The following TRPM6 variants were observed in gnomAD, a reference collection of about 807,000 sequenced individuals.
TRPM6 encodes channel kinase 2.
Under a neutral mutation model 247.6 loss-of-function variants are expected in TRPM6, and 111 were observed. That is an observed-to-expected ratio of 0.45 (90% confidence interval 0.38 to 0.52). The LOEUF is 0.52. Among genes scored for constraint, TRPM6 ranks in the 20% least tolerant of loss-of-function variants. TRPM6 has a pLI of 0.00. For synonymous variants in TRPM6, 892 were observed against 853.8 expected (o/e 1.04, Z -0.78); for missense variants, 2,126 against 2,421.5 (o/e 0.88, Z 2.56).
intron 33 of TRPM6, among the ~76,000 whole-genome samples, chr9:74,740,870 T>C (rs1458963303): frequency 6.6e-6 from 1 of 152,144 alleles, no homozygotes; most frequent in Non-Finnish European, 1.5e-5. Flanking sequence ...TAAAAAAACT[T>C]ATTTTTTTCT....
chr9:74,786,270 TAA>T (rs1192692170), intron 20 of TRPM6, 145 bp from the exon 21 acceptor site: 1 of 807,036 alleles, frequency 1.2e-6, no homozygotes, highest in African/African-American at 1.7e-5. Flanking sequence ...TTCAGAGACT[TAA>T]GTTATCATCA....
At chr9:74,763,177 C>T (rs1826712131) in intron 25 of TRPM6, 43 bp from the exon 26 acceptor site, 4 of 1,588,878 alleles carry the variant, frequency 2.5e-6, no homozygotes, top group Admixed American at 1.7e-5. Context: ...CACATTAAGC[C>T]AGTGGGAATT....
chr9:74,795,859 T>A (rs1828079474), intron 18 of TRPM6, among the ~76,000 whole-genome samples: 1 of 152,222 alleles, frequency 6.6e-6, no homozygotes, highest in Admixed American at 6.5e-5. Flanking sequence ...ATGCAGTATT[T>A]GATGCTATAC....
chr9:74,829,612 T>C (rs2118078821), intron 6 of TRPM6, among the ~76,000 whole-genome samples: 1 of 152,308 alleles, frequency 6.6e-6, no homozygotes, highest in Middle Eastern at 3.4e-3. Context: ...AAATAATGGA[T>C]GCAAAAGGCA....
chr9:74,775,755 A>T, intron 24 of TRPM6, 128 bp downstream of exon 24: 1 of 941,914 alleles, frequency 1.1e-6, no homozygotes. Context: ...GCATCAGCTG[A>T]TATTCTATTG....
rs1177355491 is a variant in TRPM6 at position 74,788,597 on chromosome 9, T to C, written c.2667+17A>G. 6.2e-7 allele frequency: 1 copy of C among 1,613,560 alleles called. No homozygotes were observed. The highest frequency in any genetic ancestry group is 1.1e-5 in the South Asian group (1 of 91,052). ...TGAGGACATATGCAGAAGATAAAGG[T>C]AGATGGCATAACTCACCTCCCTGAC... is the stretch of plus-strand genomic sequence containing the variant. On this transcript the variant is annotated intron_variant, in intron 20 of 38. Coordinates refer to ENST00000360774, the MANE Select transcript of TRPM6 (RefSeq NM_017662.5).
chr9:74,858,896 T>C, intron 1 of TRPM6, 148 bp from the exon 2 acceptor site: 1 of 630,896 alleles, frequency 1.6e-6, no homozygotes. Flanking sequence ...CATTTACCAG[T>C]TTCTATTACA....
intron 6 of TRPM6, among the ~76,000 whole-genome samples, chr9:74,830,722 G>A (rs562891622): frequency 7.9e-4 from 116 of 146,674 alleles, no homozygotes; most frequent in African/African-American, 2.4e-3. Context: ...GACTATAGGC[G>A]TGCACCACCA....
Position 74,801,961 on chromosome 9 carries a change from G to A in TRPM6, c.1946C>T (p.Ala649Val). Residue 649 changes from alanine (A) to valine (V), a missense_variant, in exon 16 of 39, where the codon GCC becomes GTC. Physicochemically the swap from Ala to Val is moderately conservative, Grantham distance 64. Around this residue, in one of 3 missense-constraint regions of TRPM6, gnomAD observed 1,082 missense variants for 1,307.9 expected, o/e 0.83. Transcript: ENST00000360774. ...VIACILYRAM[A>V]HEAKESHMVD... is the part of the protein sequence containing the mutation. ...CATGTGACTCTCCTTAGCTTCATGGGCCATTGCCCGGTAGAGGATACACGC... is the reference window on the plus strand; with the variant it reads ...CATGTGACTCTCCTTAGCTTCATGGACCATTGCCCGGTAGAGGATACACGC... 2 of 1,614,208 alleles carry A rather than the reference G, an allele frequency of 1.2e-6. No individual in the cohort carries two copies. Among genetic ancestry groups the A allele is most frequent in the Non-Finnish European group, 1.7e-6 (2 of 1,180,040 alleles).
chr9:74,816,526 G>T, intron 11 of TRPM6, 143 bp downstream of exon 11: 1 of 560,560 alleles, frequency 1.8e-6, no homozygotes, highest in Non-Finnish European at 3.2e-6. Context: ...GATGGGAAAA[G>T]TGTCTTAGCT....
chr9:74,826,598 G>T (rs774055820), intron 7 of TRPM6, among the ~76,000 whole-genome samples: 1 of 151,986 alleles, frequency 6.6e-6, no homozygotes, highest in Non-Finnish European at 1.5e-5. Context: ...CTGCCCAGTG[G>T]TGCATGCTGA....
chr9:74,724,714 T>C lies in TRPM6; in HGVS notation c.5968A>G (p.Ile1990Val), dbSNP rs759137367. 3 of 1,614,210 alleles carry C rather than the reference T, an allele frequency of 1.9e-6. No homozygotes were observed. Among genetic ancestry groups the C allele is most frequent in the Non-Finnish European group, 2.5e-6 (3 of 1,180,024 alleles). Residue 1990 changes from isoleucine to valine, a missense_variant, in exon 39 of 39, where the codon ATA becomes GTA. This residue lies in a region of TRPM6 where 327 missense variants were observed against 397.7 expected (regional missense o/e 0.82). Transcript: ENST00000360774. ...ATCTCAAGTCCAAAGGTGGAATTTA[T>C]CCTTTCAGGGGAATAGTCATTTCTT... ...LKRNDYSPER[I>V]NSTFGLEIKI... is the part of the protein sequence containing the mutation.
intron 9 of TRPM6, among the ~76,000 whole-genome samples, chr9:74,817,396 C>G (rs749225981): frequency 1.3e-5 from 2 of 152,106 alleles, no homozygotes; most frequent in African/African-American, 4.8e-5. Flanking sequence ...CACTATATTG[C>G]CCAAGCTGGT....
intron 1 of TRPM6, among the ~76,000 whole-genome samples, chr9:74,884,932 G>A (rs1002992831): frequency 6.6e-6 from 1 of 152,208 alleles, no homozygotes; most frequent in African/African-American, 2.4e-5. Flanking sequence ...GTCCCCAAAT[G>A]ATGGTGAAGA....
At chr9:74,869,048 A>G (rs1830942789) in intron 1 of TRPM6, among the ~76,000 whole-genome samples, 1 of 152,246 alleles carries the variant, frequency 6.6e-6, no homozygotes, top group South Asian at 2.1e-4. Context: ...CTGATAAGAC[A>G]TACTTAATAC....
chr9:74,787,270 G>C (rs1827715713), intron 20 of TRPM6, among the ~76,000 whole-genome samples: 1 of 150,938 alleles, frequency 6.6e-6, no homozygotes, highest in Admixed American at 6.6e-5. Flanking sequence ...GGGAGGCAGA[G>C]GTTGCAGTGA....
intron 1 of TRPM6, among the ~76,000 whole-genome samples, chr9:74,879,821 C>A (rs1262349310): frequency 6.6e-6 from 1 of 152,174 alleles, no homozygotes; most frequent in African/African-American, 2.4e-5. Context: ...AATTAACCAG[C>A]AAATGTGTTT....
chr9:74,772,888 C>A (rs1201147826), intron 24 of TRPM6, among the ~76,000 whole-genome samples: 1 of 152,040 alleles, frequency 6.6e-6, no homozygotes, highest in East Asian at 1.9e-4. Flanking sequence ...GCTTTGGAGC[C>A]CCCCTCCCTC....
chr9:74,802,790 G>T (rs1828391123), intron 15 of TRPM6, among the ~76,000 whole-genome samples: 1 of 152,118 alleles, frequency 6.6e-6, no homozygotes, highest in South Asian at 2.1e-4. Flanking sequence ...GGTAACAGGT[G>T]ATCATGAAAT....
Sources: allele counts gnomAD v4.1 joint callset (sites outside exome capture counted in the v4.1 genomes callset), GRCh38; gene constraint gnomAD v4.1.1; regional missense constraint gnomAD v4.1.1; transcripts MANE v1.5; gene names NCBI Gene and HGNC (gene_info 2026-07-23, HGNC 2026-07-21).